MTCL2: variants seen among roughly 807,000 people sequenced by gnomAD.
The protein encoded by MTCL2 is microtubule crosslinking factor 2.
the MTCL2 span, among the ~76,000 whole-genome samples, chr20:36,788,439 C>G: frequency 2.0e-5 from 3 of 152,048 alleles, no homozygotes; most frequent in African/African-American, 7.2e-5. Flanking sequence ...ATCACGAGGT[C>G]AGGAGATCGA....
the MTCL2 span, among the ~76,000 whole-genome samples, chr20:36,795,959 CCT>C: frequency 2.0e-5 from 3 of 152,174 alleles, no homozygotes; most frequent in African/African-American, 7.2e-5. Context: ...CCTCTGGCTC[CCT>C]GAGTTCCTCC....
chr20:36,863,346 G>T, the MTCL2 span: 9 of 1,171,016 alleles, frequency 7.7e-6, no homozygotes, highest in Non-Finnish European at 9.5e-6. The surrounding 1 kb of genome is among the most constrained non-coding windows in gnomAD (Gnocchi z 6.2). Flanking sequence ...CGCCTCCATC[G>T]CGGCCTCCCT....
the MTCL2 span, among the ~76,000 whole-genome samples, chr20:36,860,707 C>G: frequency 6.6e-6 from 1 of 152,194 alleles, no homozygotes; most frequent in Non-Finnish European, 1.5e-5. Flanking sequence ...GGTTGGAAAG[C>G]GTGTTACTGT....
At chr20:36,780,320 G>C in the MTCL2 span, 1 of 152,170 alleles carries the variant, frequency 6.6e-6, no homozygotes, top group Non-Finnish European at 1.5e-5. Context: ...GGAGTGGGGA[G>C]TTACTGTTTA....
chr20:36,823,329 T>G, the MTCL2 span, among the ~76,000 whole-genome samples: 1 of 152,166 alleles, frequency 6.6e-6, no homozygotes, highest in Non-Finnish European at 1.5e-5. Context: ...CAGAGCTCCT[T>G]GCCAGAGGAA....
At chr20:36,810,038 G>C in the MTCL2 span, 1 of 1,600,580 alleles carries the variant, frequency 6.2e-7, no homozygotes. Context: ...TGCCGCTCCT[G>C]GGAGAGCTGC....
chr20:36,839,624 CAA>C, the MTCL2 span, among the ~76,000 whole-genome samples: 2 of 152,146 alleles, frequency 1.3e-5, no homozygotes, highest in Non-Finnish European at 2.9e-5. This position sits in a 1 kb window ranked among gnomAD's most constrained non-coding sequence, Gnocchi z 5.1. Flanking sequence ...CCTTACATGG[CAA>C]AAGAGACTTT....
chr20:36,798,284 G>A, the MTCL2 span, among the ~76,000 whole-genome samples: 1 of 152,148 alleles, frequency 6.6e-6, no homozygotes, highest in Admixed American at 6.5e-5. Context: ...GGCCAGCCTG[G>A]TCTTGAACTC....
chr20:36,856,022 AG>A, the MTCL2 span, among the ~76,000 whole-genome samples: 1 of 152,130 alleles, frequency 6.6e-6, no homozygotes, highest in Admixed American at 6.5e-5. Flanking sequence ...ACTCCCAGCA[AG>A]GTGCTCCCTT....
chr20:36,823,593 G>A, the MTCL2 span, among the ~76,000 whole-genome samples: 1 of 152,156 alleles, frequency 6.6e-6, no homozygotes, highest in Admixed American at 6.5e-5. Context: ...GATAGCTTGA[G>A]CCCAGGAGTT....
At chr20:36,817,438 A>G in the MTCL2 span, 1 of 1,590,068 alleles carries the variant, frequency 6.3e-7, no homozygotes, top group South Asian at 1.2e-5. Flanking sequence ...GGCCTTCCCC[A>G]GGGAGCGGGT....
chr20:36,786,304 G>T, the MTCL2 span: 1 of 1,297,296 alleles, frequency 7.7e-7, no homozygotes, highest in South Asian at 2.2e-5. Context: ...CCAGGGGCCA[G>T]CAGGAGACCC....
the MTCL2 span, among the ~76,000 whole-genome samples, chr20:36,822,682 CA>C: frequency 1.3e-5 from 2 of 152,052 alleles, no homozygotes; most frequent in Non-Finnish European, 2.9e-5. Context: ...AGATTTTCAC[CA>C]AATCTGGAGG....
the MTCL2 span, among the ~76,000 whole-genome samples, chr20:36,838,788 T>C: frequency 4.6e-5 from 7 of 152,070 alleles, no homozygotes; most frequent in East Asian, 1.4e-3. Flanking sequence ...GCCAACATGG[T>C]GAAACCCTGT....
chr20:36,797,429 T>C, the MTCL2 span: 18 of 1,482,430 alleles, frequency 1.2e-5, no homozygotes, highest in Non-Finnish European at 1.6e-5. Context: ...CTTCCTCTCA[T>C]GTCCCCCACA....
the MTCL2 span, among the ~76,000 whole-genome samples, chr20:36,840,238 C>A: frequency 6.6e-6 from 1 of 150,970 alleles, no homozygotes; most frequent in Non-Finnish European, 1.5e-5. Flanking sequence ...TATCTCGGCT[C>A]ACTGCAAACT....
chr20:36,800,509 G>A, the MTCL2 span, among the ~76,000 whole-genome samples: 153 of 152,328 alleles, frequency 1.0e-3, no homozygotes, highest in African/African-American at 3.5e-3. Flanking sequence ...GCATGGCCCA[G>A]GACCAGGAAC....
At chr20:36,853,316 A>C in the MTCL2 span, among the ~76,000 whole-genome samples, 1 of 152,178 alleles carries the variant, frequency 6.6e-6, no homozygotes, top group Non-Finnish European at 1.5e-5. Context: ...CAGCCCGAGC[A>C]ATCCCCGATG....
chr20:36,861,670 C>A, the MTCL2 span, among the ~76,000 whole-genome samples: 3 of 152,222 alleles, frequency 2.0e-5, no homozygotes, highest in Non-Finnish European at 4.4e-5. Flanking sequence ...ACATTTCAGC[C>A]TCCTCCAAAA....
Sources: allele counts gnomAD v4.1 joint callset (sites outside exome capture counted in the v4.1 genomes callset), GRCh38; gene constraint gnomAD v4.1.1; non-coding constraint Gnocchi (gnomAD v3.1); transcripts MANE v1.5; gene names NCBI Gene and HGNC (gene_info 2026-07-23, HGNC 2026-07-21).